FAM227B: variants seen among roughly 807,000 people sequenced by gnomAD.
The protein encoded by FAM227B is protein FAM227B.
Under a neutral mutation model 73.8 loss-of-function variants are expected in FAM227B, and 88 were observed. The ratio of observed to expected loss-of-function variants is 1.19; its 90% CI spans 1.00 to 1.42. FAM227B has a LOEUF of 1.42. Among genes scored for constraint, FAM227B ranks in the 40% most tolerant of loss-of-function variants. FAM227B has a pLI of 0.00. For synonymous variants in FAM227B, 210 were observed against 190.5 expected (o/e 1.10, Z -0.84); for missense variants, 632 against 590.9 (o/e 1.07, Z -0.72).
At chr15:49,363,642 C>A (rs1166147151) in intron 13 of FAM227B, among the ~76,000 whole-genome samples, 1 of 152,034 alleles carries the variant, frequency 6.6e-6, no homozygotes, top group Non-Finnish European at 1.5e-5. Context: ...TTGCTCTGGC[C>A]AGGACTTCCA....
intron 10 of FAM227B, among the ~76,000 whole-genome samples, chr15:49,537,160 A>G (rs771518591): frequency 1.3e-5 from 2 of 152,144 alleles, no homozygotes; most frequent in Non-Finnish European, 2.9e-5. Context: ...ATATTGACAA[A>G]TAATATTACT....
At chr15:49,421,029 T>C (rs1406953099) in intron 11 of FAM227B, among the ~76,000 whole-genome samples, 2 of 152,114 alleles carry the variant, frequency 1.3e-5, no homozygotes, top group Admixed American at 6.6e-5. Context: ...AAGCCAGCAA[T>C]GGTGTGTTAA....
chr15:49,521,296 G>C (rs376538722), intron 10 of FAM227B, among the ~76,000 whole-genome samples: 3 of 152,184 alleles, frequency 2.0e-5, no homozygotes, highest in Non-Finnish European at 2.9e-5. Flanking sequence ...CCTTAGCATG[G>C]GCTGCCCCAA....
chr15:49,357,552 T>G (rs1213695027), intron 13 of FAM227B, among the ~76,000 whole-genome samples: 1 of 151,760 alleles, frequency 6.6e-6, no homozygotes. Context: ...AAGTTGAATC[T>G]CTGAACAGAC....
intron 15 of FAM227B, chr15:49,331,044 C>G (rs1449223725): frequency 1.3e-5 from 2 of 152,254 alleles, no homozygotes; most frequent in Non-Finnish European, 2.9e-5. Context: ...GTGTTTCACT[C>G]TTTCTATCAC....
chr15:49,593,992 C>T (rs2076742827), intron 3 of FAM227B, among the ~76,000 whole-genome samples: 1 of 152,136 alleles, frequency 6.6e-6, no homozygotes, highest in African/African-American at 2.4e-5. Flanking sequence ...TTTAGTTCTT[C>T]AAGGAATCTC....
chr15:49,491,532 G>A (rs1373538840), intron 11 of FAM227B, among the ~76,000 whole-genome samples: 2 of 151,712 alleles, frequency 1.3e-5, no homozygotes, highest in Non-Finnish European at 2.9e-5. Flanking sequence ...TGTCTATACT[G>A]TCCCCACTGC....
At chr15:49,361,385 C>G (rs577518864) in intron 13 of FAM227B, among the ~76,000 whole-genome samples, 1 of 151,940 alleles carries the variant, frequency 6.6e-6, no homozygotes, top group Non-Finnish European at 1.5e-5. Context: ...TTTTTTGATC[C>G]TCACCCTCCT....
intron 5 of FAM227B, among the ~76,000 whole-genome samples, chr15:49,580,059 A>G (rs2075712883): frequency 6.6e-6 from 1 of 152,218 alleles, no homozygotes; most frequent in South Asian, 2.1e-4. Context: ...TTTTGGTCAT[A>G]TAACCTGAAA....
rs1335639059 is a variant in FAM227B, at chr15:49,327,864, TTAGA to T, written c.*700_*703del. 1.7e-5 allele frequency: 21 copies of T among 1,271,794 alleles called. No individual in the cohort carries two copies. Among genetic ancestry groups the T allele is most frequent in the Middle Eastern group, 2.0e-4 (1 of 4,884 alleles). 78.8% of individuals were successfully genotyped at this position (1,271,794 alleles called of 1,614,324 possible). On this transcript the variant is annotated 3_prime_UTR_variant, in exon 16 of 16. Coordinates refer to ENST00000299338, the MANE Select transcript of FAM227B (RefSeq NM_152647.3). ...CCCGCATGTATTTTCTTCTTAGAACTTAGATAGGCTATGTGTTCTACAAACACCA... is the reference window on the plus strand; with the variant it reads ...CCCGCATGTATTTTCTTCTTAGAACTTAGGCTATGTGTTCTACAAACACCA...
chr15:49,549,046 T>C (rs2072391289), intron 9 of FAM227B, among the ~76,000 whole-genome samples: 1 of 152,120 alleles, frequency 6.6e-6, no homozygotes, highest in Non-Finnish European at 1.5e-5. Context: ...CTCCTAATTT[T>C]GGGTTTGGTT....
intron 11 of FAM227B, among the ~76,000 whole-genome samples, chr15:49,475,016 T>A (rs1169915333): frequency 6.6e-6 from 1 of 152,256 alleles, no homozygotes; most frequent in Admixed American, 6.5e-5. Context: ...ATAAACTATA[T>A]TTCAGACAAT....
At chr15:49,460,648 C>T (rs1309669875) in intron 11 of FAM227B, among the ~76,000 whole-genome samples, 2 of 152,142 alleles carry the variant, frequency 1.3e-5, no homozygotes, top group African/African-American at 2.4e-5. Flanking sequence ...AACCCACACA[C>T]ATTGTATTCA....
At chr15:49,612,313 A>G (rs1447669224) in intron 2 of FAM227B, among the ~76,000 whole-genome samples, 4 of 152,038 alleles carry the variant, frequency 2.6e-5, no homozygotes, top group Admixed American at 2.6e-4. Context: ...TCATTGTTCA[A>G]TTCCCACCTA....
chr15:49,500,212 GAACT>G lies in FAM227B; in HGVS notation c.1012+7995_1012+7998del, dbSNP rs1189534850. On this transcript the variant is annotated intron_variant, in intron 11 of 15. Transcript: ENST00000299338. ...AGAACAAGATCCTGTCTTTAAAAAC[GAACT>G]AACTAAATAAATAAGCATAAAATAT... is the stretch of plus-strand genomic sequence containing the variant. Among the ~76,000 whole-genome samples, 3 of 152,062 alleles carry G rather than the reference GAACT, an allele frequency of 2.0e-5. No homozygotes were observed. The East Asian group carries it at 5.8e-4, about 29-fold the overall frequency.
At chr15:49,409,093 T>A (rs914502635) in intron 11 of FAM227B, among the ~76,000 whole-genome samples, 1 of 152,190 alleles carries the variant, frequency 6.6e-6, no homozygotes, top group Non-Finnish European at 1.5e-5. Context: ...TGATTAAAGA[T>A]TGAGTTTAGT....
At chr15:49,362,183 T>TGTGTTGG (rs1227484700) in intron 13 of FAM227B, among the ~76,000 whole-genome samples, 2 of 152,252 alleles carry the variant, frequency 1.3e-5, no homozygotes, top group East Asian at 3.9e-4. Context: ...GTAATCCCCA[T>TGTGTTGG]GTGTTGGGGG....
rs754254597 is a variant in FAM227B, at chr15:49,589,874, G to T, written c.239C>A (p.Ala80Glu). 1 of 1,605,430 alleles carries T rather than the reference G, an allele frequency of 6.2e-7. No homozygotes were observed. The highest frequency in any genetic ancestry group is 8.5e-7 in the Non-Finnish European group (1 of 1,172,210). ...TAATTTTGATTCCATGATCAAAAGTGCTTCAAATATTCGAGGAACATTTTC... is the reference window on the plus strand; with the variant it reads ...TAATTTTGATTCCATGATCAAAAGTTCTTCAAATATTCGAGGAACATTTTC... The part of the protein sequence containing the change: ...LWENVPRIFE[A>E]LLIMESKLKE... Residue 80 changes from alanine (A) to glutamate (E), a missense_variant, in exon 4 of 16, where the codon GCA becomes GAA. Physicochemically the swap from Ala to Glu is moderately radical, Grantham distance 107 (BLOSUM62 -1). Transcript: ENST00000299338.
chr15:49,362,570 GCTGT>G (rs1171277968), intron 13 of FAM227B, among the ~76,000 whole-genome samples: 1 of 152,138 alleles, frequency 6.6e-6, no homozygotes, highest in Non-Finnish European at 1.5e-5. Context: ...CATTCTGTAG[GCTGT>G]CTGTTTACTC....
Sources: allele counts gnomAD v4.1 joint callset (sites outside exome capture counted in the v4.1 genomes callset), GRCh38; gene constraint gnomAD v4.1.1; transcripts MANE v1.5; gene names NCBI Gene and HGNC (gene_info 2026-07-23, HGNC 2026-07-21).